The following SMTN variants were observed in gnomAD, a reference collection of about 807,000 sequenced individuals.
SMTN encodes the protein smoothelin.
In SMTN, 58 loss-of-function variants were observed where a neutral mutation model predicts 102.0. That is an observed-to-expected ratio of 0.57 (90% confidence interval 0.46 to 0.71). The LOEUF is 0.71. SMTN is among the 30% of genes least tolerant of loss of function. The pLI is 0.00. For synonymous variants in SMTN, 478 were observed against 497.9 expected, an observed-to-expected ratio of 0.96 and a Z score of 0.53; for missense variants, 1,185 against 1,241.7, an observed-to-expected ratio of 0.95 and a Z score of 0.69.
intron 20 of SMTN, chr22:31,101,467 G>T (rs1024038405): frequency 2.1e-4 from 34 of 164,008 alleles, no homozygotes; most frequent in Admixed American, 1.4e-3. Flanking sequence ...GTCTGGATAT[G>T]AGGGAGGAGG....
In SMTN at chr22:31,083,315, T is replaced by C. The variant is rs1460496710; in HGVS notation, c.51+6T>C. On this transcript the variant is annotated splice_donor_region_variant and intron_variant, in intron 2 of 20. Coordinates refer to ENST00000333137, the MANE Select transcript of SMTN (RefSeq NM_134269.3). ...AGGGAGCCCTTCGGAAGCTGGTAAG[T>C]GGCCCCATCACCCACTGTGGGGACA... 1 of 1,558,700 alleles carries C rather than the reference T, an allele frequency of 6.4e-7. No individual in the cohort carries two copies. The highest frequency in any genetic ancestry group is 2.3e-5 in the East Asian group (1 of 43,652).
chr22:31,098,188 G>A (rs534432041), intron 16 of SMTN, among the ~76,000 whole-genome samples: 8 of 152,182 alleles, frequency 5.3e-5, no homozygotes, highest in Admixed American at 3.9e-4. Context: ...TTCTAGTTCC[G>A]CCCATCACGT....
rs904117589 is a variant in SMTN at position 31,083,301 on chromosome 22, C to G, written c.43C>G (p.Arg15Gly). The G allele has an allele frequency of 1.9e-6, 3 of 1,572,342 alleles. No individual in the cohort carries two copies. In the African/African-American group the frequency reaches 4.0e-5, roughly 21 times the overall value. The change falls in exon 2 of 21, where the codon CGG becomes GGG. Residue 15 changes from arginine (R) to glycine (G), a missense_variant. By Grantham distance (125) the Arg-to-Gly change is moderately radical. Transcript: ENST00000333137. ...AGCTGGGCTGGATGAGGGAGCCCTT[C>G]GGAAGCTGGTAAGTGGCCCCATCAC... ...ALAGLDEGAL[R>G]KLLEVTADLA...
chr22:31,101,076 C>A (rs767073056), intron 20 of SMTN, 27 bp downstream of exon 20: 2 of 1,563,228 alleles, frequency 1.3e-6, no homozygotes, highest in African/African-American at 1.4e-5. Context: ...CTACCACCTG[C>A]CCCGTTTCAC....
Position 31,104,490 on chromosome 22 carries a change from A to C in SMTN, c.*195A>C, listed in dbSNP as rs771991516. On this transcript the variant is annotated 3_prime_UTR_variant, in exon 21 of 21. Coordinates refer to ENST00000333137, the MANE Select transcript of SMTN (RefSeq NM_134269.3). ...AGCCTGCCCGCCCGCATGGCCAGCC[A>C]GTGGCAAGCTGCCGCCCCCACTCTC... 42 of 1,607,792 alleles carry C rather than the reference A, an allele frequency of 2.6e-5. No individual in the cohort carries two copies. The highest frequency in any genetic ancestry group is 3.5e-5 in the Non-Finnish European group (41 of 1,178,822).
Position 31,098,871 on chromosome 22 carries a change from G to A in SMTN, c.2333+31G>A, listed in dbSNP as rs756128720. On this transcript the variant is annotated intron_variant, in intron 17 of 20. Transcript: ENST00000333137. ...CTGCAGAAGTGGGCTGGGCAGTGGGGGGCGGGGCGTGATAGGCAGTGGGGG... is the reference window on the plus strand; with the variant it reads ...CTGCAGAAGTGGGCTGGGCAGTGGGAGGCGGGGCGTGATAGGCAGTGGGGG... 1.0e-5 allele frequency: 16 copies of A among 1,548,600 alleles called. No individual in the cohort carries two copies. In the South Asian group the frequency reaches 1.7e-4, roughly 17 times the overall value.
chr22:31,091,597 C>A, intron 10 of SMTN, 78 bp from the exon 11 acceptor site: 1 of 1,512,646 alleles, frequency 6.6e-7, no homozygotes, highest in Non-Finnish European at 8.9e-7. Flanking sequence ...GTGCTGGGAG[C>A]GAGGGCATTA....
rs1157855784 is a variant in SMTN, at chr22:31,090,950, G to C, written c.938-11G>C. On this transcript the variant is annotated splice_polypyrimidine_tract_variant and intron_variant, in intron 9 of 20. Transcript: ENST00000333137. ...CCACCCAGTTGCTGACAGCCCTCCT[G>C]TTCCTTCTAGAGTCCACCCCCCTTG... 1 of 1,612,860 alleles carries C rather than the reference G, an allele frequency of 6.2e-7. No homozygotes were observed. Among genetic ancestry groups the C allele is most frequent in the Non-Finnish European group, 8.5e-7 (1 of 1,179,076 alleles).
chr22:31,091,126 C>T lies in SMTN; in HGVS notation c.1103C>T (p.Ser368Phe). Residue 368 changes from serine (S) to phenylalanine (F), a missense_variant, in exon 10 of 21, where the codon TCC becomes TTC. Coordinates refer to ENST00000333137, the MANE Select transcript of SMTN (RefSeq NM_134269.3). ...PLTPARLLGP[S>F]LTSTTPASSS... ...ACCCCCGCAAGGCTCCTGGGCCCCT[C>T]CCTCACCAGCACCACCCCTGCCTCC... 3 of 1,613,910 alleles carry T rather than the reference C, an allele frequency of 1.9e-6. No homozygotes were observed. The South Asian group carries it at 3.3e-5, about 18-fold the overall frequency.
intron 1 of SMTN, among the ~76,000 whole-genome samples, chr22:31,068,666 C>T (rs2059802008): frequency 6.6e-6 from 1 of 152,146 alleles, no homozygotes; most frequent in African/African-American, 2.4e-5. Context: ...TGTGTTGAGC[C>T]CCTTCGTTGA....
chr22:31,073,011 C>CTCTTTTTT (rs1257016915), intron 1 of SMTN, among the ~76,000 whole-genome samples: 9 of 85,684 alleles, frequency 1.1e-4, no homozygotes, highest in African/African-American at 3.1e-4. Context: ...CTCTCTCTCT[C>CTCTTTTTT]TTTTTTTTTT....
intron 6 of SMTN, 95 bp downstream of exon 6, chr22:31,089,064 T>C: frequency 9.9e-7 from 1 of 1,014,030 alleles, no homozygotes; most frequent in Non-Finnish European, 1.5e-6. Context: ...TATTTCACTG[T>C]AAGGGGCCCA....
At chr22:31,093,499 C>A (rs1389250138) in intron 11 of SMTN, 1 of 657,656 alleles carries the variant, frequency 1.5e-6, no homozygotes, top group South Asian at 1.6e-5. Flanking sequence ...CCTTGAGGAG[C>A]AGTTGGGCCG....
rs1411388732 is a variant in SMTN, at chr22:31,095,721, C to T, written c.1861+112C>T. On this transcript the variant is annotated intron_variant, in intron 13 of 20. Transcript: ENST00000333137. The surrounding 1 kb of genome is among the most constrained non-coding windows in gnomAD (Gnocchi z 4.1). ...CCAGCTTAATAACTGCCCTACCCAG[C>T]TTCTCCTTCTCTAGACCCAGCAGTT... is the stretch of plus-strand genomic sequence containing the variant. 3.6e-5 allele frequency: 32 copies of T among 885,902 alleles called. No homozygotes were observed. The East Asian group carries it at 8.2e-4, about 23-fold the overall frequency. 54.9% of individuals were successfully genotyped at this position (885,902 alleles called of 1,614,324 possible). A position where few individuals can be genotyped will look rare whatever the true frequency, so the allele number is the denominator to read the frequency against.
At chr22:31,080,988 G>A (rs2042267058), upstream of SMTN, among the ~76,000 whole-genome samples, 1 of 152,076 alleles carries the variant, frequency 6.6e-6, no homozygotes, top group Non-Finnish European at 1.5e-5. Context: ...GGAGGGCGGA[G>A]AGGGGCTGTC....
chr22:31,076,417 G>A (rs2042131958), upstream of SMTN, among the ~76,000 whole-genome samples: 1 of 152,152 alleles, frequency 6.6e-6, no homozygotes, highest in Non-Finnish European at 1.5e-5. Flanking sequence ...CTATATACCT[G>A]GGTTCAAATC....
intron 3 of SMTN, 195 bp downstream of exon 3, chr22:31,088,308 T>C (rs1004300463): frequency 6.2e-6 from 5 of 802,430 alleles, no homozygotes; most frequent in Non-Finnish European, 9.7e-6. Context: ...GTCGCGGCCG[T>C]GCTGATGTAG....
chr22:31,104,539 G>A lies in SMTN; in HGVS notation c.*244G>A, dbSNP rs2044345424. On this transcript the variant is annotated 3_prime_UTR_variant, in exon 21 of 21. Transcript: ENST00000333137. ...TCCGGGCACCGTCTCCTGCCTGTGCGTCCGCCCACCGCTGCCCTGTCTGTT... is the reference window on the plus strand; with the variant it reads ...TCCGGGCACCGTCTCCTGCCTGTGCATCCGCCCACCGCTGCCCTGTCTGTT... The A allele has an allele frequency of 4.0e-6, 6 of 1,501,860 alleles. No individual in the cohort carries two copies. Among genetic ancestry groups the A allele is most frequent in the Non-Finnish European group, 5.5e-6 (6 of 1,092,816 alleles). 93.0% of individuals were successfully genotyped at this position (1,501,860 alleles called of 1,614,324 possible). A position where few individuals can be genotyped will look rare whatever the true frequency, so the allele number is the denominator to read the frequency against.
chr22:31,083,483 C>A, intron 2 of SMTN, 174 bp downstream of exon 2: 1 of 756,462 alleles, frequency 1.3e-6, no homozygotes, highest in Non-Finnish European at 2.1e-6. Flanking sequence ...GCCCTTGTGG[C>A]ATGTGCCTGT....
Sources: allele counts gnomAD v4.1 joint callset (sites outside exome capture counted in the v4.1 genomes callset), GRCh38; gene constraint gnomAD v4.1.1; non-coding constraint Gnocchi (gnomAD v3.1); transcripts MANE v1.5; gene names NCBI Gene and HGNC (gene_info 2026-07-23, HGNC 2026-07-21).